Variants in ALDOA observed in about 807,000 individuals in gnomAD.
ALDOA encodes the protein fructose-bisphosphate aldolase A.
ALDOA carries 26 observed loss-of-function variants against 43.9 expected under a neutral mutation model. That is an observed-to-expected ratio of 0.59 (90% CI 0.43 to 0.82). The LOEUF (loss-of-function observed/expected upper bound fraction) is 0.82, where lower values mean the gene tolerates loss of function less well. Ranked by LOEUF, ALDOA falls within the 40% of genes least tolerant of loss-of-function variation. ALDOA has a pLI of 0.00. For missense variants in ALDOA, 498 were observed against 549.5 expected, an observed-to-expected ratio of 0.91 and a Z score of 0.94; for synonymous variants, 258 against 222.6, an observed-to-expected ratio of 1.16 and a Z score of -1.42.
upstream of ALDOA, among the ~76,000 whole-genome samples, chr16:30,065,007 G>GCAGCGGC (rs2072049758): frequency 6.6e-6 from 1 of 152,270 alleles, no homozygotes; most frequent in African/African-American, 2.4e-5. Flanking sequence ...CAGAGGCCGA[G>GCAGCGGC]CAGCGGCCGG....
intron 2 of ALDOA, 77 bp from the exon 3 acceptor site, chr16:30,067,157 G>A: frequency 6.2e-7 from 1 of 1,601,676 alleles, no homozygotes; most frequent in Non-Finnish European, 8.5e-7. Flanking sequence ...CTGACCTCCA[G>A]GAGAGGGGCC....
Position 30,067,659 on chromosome 16 carries a change from A to C in ALDOA, c.484A>C (p.Lys162Gln). 6.2e-7 allele frequency: 1 copy of C among 1,614,094 alleles called. No individual in the cohort carries two copies. Among genetic ancestry groups the C allele is most frequent in the Non-Finnish European group, 8.5e-7 (1 of 1,180,030 alleles). ...IKSKGGVVGI[K>Q]VDKGVVPLAG... ...ATCCAAGGGCGGTGTTGTGGGCATCAAGGTAAGGGGAGGGCCTCCGGACGT... is the reference window on the plus strand; with the variant it reads ...ATCCAAGGGCGGTGTTGTGGGCATCCAGGTAAGGGGAGGGCCTCCGGACGT... The change falls in exon 4 of 10, where the codon AAG becomes CAG. Residue 162 changes from lysine to glutamine, a missense_variant and splice_region_variant. Lys to Gln is a moderately conservative substitution (Grantham distance 53, BLOSUM62 1). Transcript: ENST00000642816.
upstream of ALDOA, chr16:30,064,956 G>C (rs1214596966): frequency 6.5e-6 from 1 of 154,788 alleles, no homozygotes; most frequent in Non-Finnish European, 1.4e-5. Flanking sequence ...AGGAAGTCAG[G>C]CTCAAGGAAG....
At position 30,067,589 on chromosome 16, in the gene ALDOA, C is replaced by T. The variant is rs746301013; in HGVS notation, c.414C>T (p.Leu138=). 3 of 1,614,154 alleles carry T rather than the reference C, an allele frequency of 1.9e-6. No homozygotes were observed. Among genetic ancestry groups the T allele is most frequent in the Non-Finnish European group, 2.5e-6 (3 of 1,180,042 alleles). Residue 138 remains leucine, a synonymous_variant, in exon 4 of 10, where the codon CTC becomes CTT. Coordinates refer to ENST00000642816, the MANE Select transcript of ALDOA (RefSeq NM_001243177.4). ...GTGTCATCCTCTTCCATGAGACACTCTACCAGAAGGCGGATGATGGGCGTC... is the reference window on the plus strand; with the variant it reads ...GTGTCATCCTCTTCCATGAGACACTTTACCAGAAGGCGGATGATGGGCGTC... ...IGGVILFHET[L]YQKADDGRPF... is the part of the protein sequence containing the mutation.
intron 5 of ALDOA, 55 bp downstream of exon 5, chr16:30,068,755 C>T: frequency 5.6e-6 from 9 of 1,614,180 alleles, no homozygotes; most frequent in Admixed American, 1.7e-5. Flanking sequence ...GGTTTGGGTG[C>T]TGGGAGGAGT....
rs1311520999 is a variant in ALDOA, at chr16:30,069,618, G to A, written c.906G>A (p.Glu302=). The A allele has an allele frequency of 1.9e-6, 3 of 1,614,078 alleles. No individual in the cohort carries two copies. Residue 302 remains glutamate (E), a synonymous_variant, in exon 8 of 10, where the codon GAG becomes GAA. Transcript: ENST00000642816. ...HACTQKFSHE[E]IAMATVTALR... The stretch of plus-strand genomic sequence containing the variant: ...GCACTCAGAAGTTTTCTCATGAGGA[G>A]ATTGCCATGGCGACCGTCACAGCGC...
chr16:30,067,773 G>T (rs567480076), intron 4 of ALDOA, 112 bp downstream of exon 4: 2 of 1,262,802 alleles, frequency 1.6e-6, no homozygotes, highest in Non-Finnish European at 1.2e-6. Context: ...CTTGCATGGA[G>T]CCTGCTTCAG....
At chr16:30,067,965 T>A (rs950807620) in intron 4 of ALDOA, 5 of 469,038 alleles carry the variant, frequency 1.1e-5, no homozygotes, top group Non-Finnish European at 1.9e-5. Context: ...AACATCCCAG[T>A]GTATCCTGTC....
intron 6 of ALDOA, 26 bp from the exon 7 acceptor site, chr16:30,069,280 C>T: frequency 1.9e-6 from 3 of 1,613,466 alleles, no homozygotes; most frequent in Non-Finnish European, 2.5e-6. Flanking sequence ...GGAGGCCTCA[C>T]AGTGACCCTG....
At chr16:30,068,138 C>T (rs2072186975) in intron 4 of ALDOA, 1 of 255,154 alleles carries the variant, frequency 3.9e-6, no homozygotes. Flanking sequence ...TCTCTTGGCT[C>T]ACTGCAAGTT....
intron 1 of ALDOA, among the ~76,000 whole-genome samples, chr16:30,066,476 G>C (rs1415132538): frequency 6.6e-6 from 1 of 152,244 alleles, no homozygotes; most frequent in Non-Finnish European, 1.5e-5. Flanking sequence ...GCTCCTCCAC[G>C]TTCTTGCCCC....
At position 30,067,933 on chromosome 16, in the gene ALDOA, C is replaced by T; in HGVS notation, c.486+272C>T. 3 of 525,012 alleles carry T rather than the reference C, an allele frequency of 5.7e-6. No homozygotes were observed. The South Asian group carries it at 6.3e-5, about 11-fold the overall frequency. The allele number at this position is 525,012 out of a possible 1,614,324, so 32.5% of individuals were successfully genotyped here. On this transcript the variant is annotated intron_variant, in intron 4 of 9. Coordinates refer to ENST00000642816, the MANE Select transcript of ALDOA (RefSeq NM_001243177.4). ...GAGCCCCAGTCTGACACCCAATTCA[C>T]TCAACATTTCTGTTGTCAAATAACA...
chr16:30,067,147 C>G (rs1256523471), intron 2 of ALDOA, 87 bp from the exon 3 acceptor site: 17 of 1,592,562 alleles, frequency 1.1e-5, no homozygotes, highest in Non-Finnish European at 1.4e-5. Flanking sequence ...GAACATTTCC[C>G]TGACCTCCAG....
Position 30,070,141 on chromosome 16 carries a change from A to G in ALDOA, c.1186A>G (p.Lys396Glu), listed in dbSNP as rs1421338770. 1.2e-6 allele frequency: 2 copies of G among 1,614,064 alleles called. No homozygotes were observed. Among genetic ancestry groups the G allele is most frequent in the South Asian group, 1.1e-5 (1 of 91,082 alleles). The change falls in exon 10 of 10, where the codon AAG becomes GAG. Residue 396 changes from lysine (K) to glutamate (E), a missense_variant. Lys to Glu is a moderately conservative substitution (Grantham distance 56, BLOSUM62 1). Coordinates refer to ENST00000642816, the MANE Select transcript of ALDOA (RefSeq NM_001243177.4). ...ALANSLACQGKYTPSGQAGAA... is the reference protein window; with the variant it reads ...ALANSLACQGEYTPSGQAGAA... Reference sequence around the variant, plus strand: ...GGCCAACAGCCTTGCCTGTCAAGGAAAGTACACTCCGAGCGGTCAGGCTGG... The same window carrying G: ...GGCCAACAGCCTTGCCTGTCAAGGAGAGTACACTCCGAGCGGTCAGGCTGG...
rs2072120758 is a variant in ALDOA at position 30,066,773 on chromosome 16, T to A, written c.-13-112T>A. On this transcript the variant is annotated intron_variant, in intron 1 of 9. Coordinates refer to ENST00000642816, the MANE Select transcript of ALDOA (RefSeq NM_001243177.4). ...TCTGGCTCCGGGGTTGCTGTGTGGC[T>A]TGAAGCACAGACCTTTCCCATATCT... 8.7e-6 allele frequency: 11 copies of A among 1,265,922 alleles called. No homozygotes were observed. The South Asian group carries it at 1.7e-4, about 20-fold the overall frequency. The allele number at this position is 1,265,922 out of a possible 1,614,324, so 78.4% of individuals were successfully genotyped here.
chr16:30,068,562 C>A, intron 4 of ALDOA, 84 bp from the exon 5 acceptor site: 1 of 1,475,008 alleles, frequency 6.8e-7, no homozygotes, highest in South Asian at 1.1e-5. Flanking sequence ...GAGATTCCAC[C>A]ACTGTACTCC....
chr16:30,069,497 A>G lies in ALDOA; in HGVS notation c.787-2A>G, dbSNP rs1340894214. ...ACCCACCGTGCGCCTGCTCTGCTCC[A>G]GGTGCTGGCTGCTGTCTACAAGGCT... is the stretch of plus-strand genomic sequence containing the variant. On this transcript the variant is annotated splice_acceptor_variant, in intron 7 of 9. Transcript: ENST00000642816. LOFTEE classifies it high-confidence loss of function. 6 of 1,614,088 alleles carry G rather than the reference A, an allele frequency of 3.7e-6. No individual in the cohort carries two copies. The highest frequency in any genetic ancestry group is 5.1e-6 in the Non-Finnish European group (6 of 1,180,012).
chr16:30,070,268 T>C lies in ALDOA; in HGVS notation c.*56T>C. The C allele has an allele frequency of 6.4e-7, 1 of 1,564,860 alleles. No individual in the cohort carries two copies. The highest frequency in any genetic ancestry group is 1.1e-5 in the South Asian group (1 of 89,994). On this transcript the variant is annotated 3_prime_UTR_variant, in exon 10 of 10. Transcript: ENST00000642816. Reference sequence around the variant, plus strand: ...TCCAGGCCCTGCCCCCTCCCACTCTTGAAGAGGAGGCCGCCTCCTCGGGGC... The same window carrying C: ...TCCAGGCCCTGCCCCCTCCCACTCTCGAAGAGGAGGCCGCCTCCTCGGGGC...
At chr16:30,069,431 G>A (rs375294816) in intron 7 of ALDOA, 42 bp downstream of exon 7, 113 of 1,613,892 alleles carry the variant, frequency 7.0e-5, no homozygotes, top group Non-Finnish European at 9.2e-5. Flanking sequence ...TGGCTGGCCG[G>A]GGACCCTGGG....
Sources: allele counts gnomAD v4.1 joint callset (sites outside exome capture counted in the v4.1 genomes callset), GRCh38; gene constraint gnomAD v4.1.1; transcripts MANE v1.5; gene names NCBI Gene and HGNC (gene_info 2026-07-23, HGNC 2026-07-21).